The following RSPO3 variants were observed in gnomAD, a reference collection of about 807,000 sequenced individuals.
RSPO3 encodes R-spondin 3.
RSPO3 carries 17 observed loss-of-function variants against 36.5 expected under a neutral mutation model. The ratio of observed to expected loss-of-function variants is 0.47; its 90% confidence interval spans 0.32 to 0.70. The LOEUF is 0.70. RSPO3 is among the 30% of genes least tolerant of loss of function. The pLI is 0.04. For synonymous variants in RSPO3, 108 were observed against 107.0 expected, an observed-to-expected ratio of 1.01 and a Z score of -0.06; for missense variants, 294 against 322.5, an observed-to-expected ratio of 0.91 and a Z score of 0.68.
intron 4 of RSPO3, among the ~76,000 whole-genome samples, chr6:127,195,229 C>T (rs1237656321): frequency 6.6e-6 from 1 of 152,138 alleles, no homozygotes; most frequent in African/African-American, 2.4e-5. Context: ...AGTACAGTGG[C>T]GCTATCAGGG....
intron 1 of RSPO3, among the ~76,000 whole-genome samples, chr6:127,132,236 G>A (rs979307911): frequency 1.3e-5 from 2 of 152,070 alleles, no homozygotes; most frequent in African/African-American, 2.4e-5. Context: ...AAGTAACTGT[G>A]CCTAAATGAT....
At position 127,196,024 on chromosome 6, in the gene RSPO3, A is replaced by C; in HGVS notation, c.*17A>C. 6.4e-7 allele frequency: 1 copy of C among 1,571,998 alleles called. No homozygotes were observed. Among genetic ancestry groups the C allele is most frequent in the Non-Finnish European group, 8.6e-7 (1 of 1,156,946 alleles). Reference sequence around the variant, plus strand: ...GTACACTAGAGGGTTCCATGAGATTATTGTAGACTCATGATGCTGCTATCT... The same window carrying C: ...GTACACTAGAGGGTTCCATGAGATTCTTGTAGACTCATGATGCTGCTATCT... On this transcript the variant is annotated 3_prime_UTR_variant, in exon 5 of 5. Coordinates refer to ENST00000356698, the MANE Select transcript of RSPO3 (RefSeq NM_032784.5).
intron 4 of RSPO3, among the ~76,000 whole-genome samples, chr6:127,183,733 G>A (rs1007617431): frequency 8.6e-5 from 13 of 151,858 alleles, no homozygotes; most frequent in African/African-American, 2.2e-4. Flanking sequence ...CAGGAATATC[G>A]GCCTTACATG....
At chr6:127,130,678 AT>A (rs1490778013) in intron 1 of RSPO3, among the ~76,000 whole-genome samples, 2 of 151,968 alleles carry the variant, frequency 1.3e-5, no homozygotes, top group Non-Finnish European at 2.9e-5. Flanking sequence ...ACTTAGCAAA[AT>A]TTTTTGCTGT....
At chr6:127,124,087 T>C (rs966170971) in intron 1 of RSPO3, among the ~76,000 whole-genome samples, 4 of 152,108 alleles carry the variant, frequency 2.6e-5, no homozygotes, top group African/African-American at 9.7e-5. Flanking sequence ...GGCAGAGTAC[T>C]ATGTAGAGTT....
At position 127,199,144 on chromosome 6, in the gene RSPO3, A is replaced by C. The variant is rs889680657; in HGVS notation, c.*3137A>C. Among the ~76,000 whole-genome samples the C allele has an allele frequency of 6.6e-6, 1 of 152,202 alleles. No individual in the cohort carries two copies. The highest frequency in any genetic ancestry group is 2.4e-5 in the African/African-American group (1 of 41,470). ...GTGTTAATGTCTCAATTCTGCTACT[A>C]ACTGGTTGCAGCTTGTGTGACCTTG... On this transcript the variant is annotated 3_prime_UTR_variant, in exon 5 of 5. Coordinates refer to ENST00000356698, the MANE Select transcript of RSPO3 (RefSeq NM_032784.5).
intron 4 of RSPO3, among the ~76,000 whole-genome samples, chr6:127,181,547 G>A (rs566501900): frequency 1.3e-4 from 19 of 151,940 alleles, no homozygotes; most frequent in South Asian, 4.2e-4. Flanking sequence ...CTTCCTCAGA[G>A]ACATTTTGTG....
At chr6:127,183,825 T>G (rs939909148) in intron 4 of RSPO3, among the ~76,000 whole-genome samples, 2 of 151,988 alleles carry the variant, frequency 1.3e-5, no homozygotes, top group Non-Finnish European at 2.9e-5. Flanking sequence ...CCACCTGTAT[T>G]AGTGCATTCT....
At chr6:127,120,634 C>A (rs1023289390) in intron 1 of RSPO3, among the ~76,000 whole-genome samples, 9 of 152,226 alleles carry the variant, frequency 5.9e-5, no homozygotes, top group African/African-American at 2.2e-4. Flanking sequence ...CCCTGCCCTG[C>A]CCCTGGGCAT....
At chr6:127,120,682 C>T (rs1434156619) in intron 1 of RSPO3, among the ~76,000 whole-genome samples, 1 of 152,230 alleles carries the variant, frequency 6.6e-6, no homozygotes, top group Non-Finnish European at 1.5e-5. Context: ...TTGCTGGCCT[C>T]GGCCAGACAA....
At chr6:127,173,553 TG>T (rs1774986015) in intron 4 of RSPO3, among the ~76,000 whole-genome samples, 1 of 151,808 alleles carries the variant, frequency 6.6e-6, no homozygotes, top group African/African-American at 2.4e-5. Flanking sequence ...CTAAAAAAAA[TG>T]TATTTCAAAG....
chr6:127,136,546 A>G (rs1411700383), intron 1 of RSPO3, among the ~76,000 whole-genome samples: 1 of 152,196 alleles, frequency 6.6e-6, no homozygotes, highest in Non-Finnish European at 1.5e-5. Flanking sequence ...TGTACAGCAT[A>G]TAGACACTTT....
At chr6:127,168,956 A>G (rs1351636426) in intron 4 of RSPO3, among the ~76,000 whole-genome samples, 1 of 151,972 alleles carries the variant, frequency 6.6e-6, no homozygotes, top group African/African-American at 2.4e-5. Flanking sequence ...CCATTGGTCT[A>G]TATCTCTGTT....
At chr6:127,163,854 G>A (rs2114606213) in intron 4 of RSPO3, among the ~76,000 whole-genome samples, 1 of 152,152 alleles carries the variant, frequency 6.6e-6, no homozygotes. Context: ...TCTTAGGCAA[G>A]AAGAAAATTA....
Position 127,126,453 on chromosome 6 carries a change from T to A in RSPO3, c.97+7164T>A, listed in dbSNP as rs531454426. Among the ~76,000 whole-genome samples, 12 of 152,126 alleles carry A rather than the reference T, an allele frequency of 7.9e-5. No individual in the cohort carries two copies. The South Asian group carries it at 2.5e-3, about 32-fold the overall frequency. On this transcript the variant is annotated intron_variant, in intron 1 of 4. Coordinates refer to ENST00000356698, the MANE Select transcript of RSPO3 (RefSeq NM_032784.5). The stretch of plus-strand genomic sequence containing the variant: ...TTTAATATATCATTTTCAACTGTGG[T>A]TTTTTATGGTTTTTATAATACTCTC...
At chr6:127,149,794 T>C (rs1774454299) in intron 2 of RSPO3, among the ~76,000 whole-genome samples, 1 of 152,070 alleles carries the variant, frequency 6.6e-6, no homozygotes. Flanking sequence ...TAAAATGAAA[T>C]TATACCAATG....
Position 127,198,274 on chromosome 6 carries a change from G to T in RSPO3, c.*2267G>T, listed in dbSNP as rs948424881. On this transcript the variant is annotated 3_prime_UTR_variant, in exon 5 of 5. Transcript: ENST00000356698. ...AAGTAGAATTATTACAAAGGAAAAA[G>T]AAATAAAAACTAACATTCATTTTCA... Among the ~76,000 whole-genome samples, 3 of 152,104 alleles carry T rather than the reference G, an allele frequency of 2.0e-5. No homozygotes were observed. The highest frequency in any genetic ancestry group is 6.6e-5 in the Admixed American group (1 of 15,262).
At chr6:127,121,331 G>A (rs1484146224) in intron 1 of RSPO3, among the ~76,000 whole-genome samples, 4 of 152,212 alleles carry the variant, frequency 2.6e-5, no homozygotes, top group South Asian at 2.1e-4. Flanking sequence ...GCACCTCTAG[G>A]TTGGGCCGAG....
intron 4 of RSPO3, among the ~76,000 whole-genome samples, chr6:127,187,294 C>T (rs908793902): frequency 4.6e-5 from 7 of 152,060 alleles, no homozygotes; most frequent in Non-Finnish European, 8.8e-5. Context: ...TGTTAGGACG[C>T]CCCACTGACT....
Sources: gnomAD v4.1 joint callset for allele counts (sites outside exome capture counted in the v4.1 genomes callset) on GRCh38, gnomAD v4.1.1 for gene constraint, MANE v1.5 for transcripts, NCBI Gene and HGNC (gene_info 2026-07-23, HGNC 2026-07-21) for gene names.